The following EXTL3 variants were observed in gnomAD, a reference collection of about 807,000 sequenced individuals.
The protein encoded by EXTL3 is exostosin like glycosyltransferase 3.
A neutral mutation model predicts 69.3 loss-of-function variants in EXTL3; 27 were observed. The ratio of observed to expected loss-of-function variants is 0.39; its 90% CI spans 0.29 to 0.54. The LOEUF (loss-of-function observed/expected upper bound fraction) is 0.54. Ranked by LOEUF, EXTL3 falls within the 20% of genes least tolerant of loss-of-function variation. EXTL3 has a pLI of 0.69. For missense variants in EXTL3, 1,003 were observed against 1,231.8 expected, an observed-to-expected ratio of 0.81 and a Z score of 2.78; for synonymous variants, 511 against 499.4, an observed-to-expected ratio of 1.02 and a Z score of -0.31.
chr8:28,668,372 C>G (rs1317279302), intron 1 of EXTL3, among the ~76,000 whole-genome samples: 1 of 131,174 alleles, frequency 7.6e-6, no homozygotes, highest in Non-Finnish European at 1.5e-5. Context: ...CACTCTGTCA[C>G]CCAGGCTGGA....
chr8:28,684,458 G>A (rs904817497), intron 1 of EXTL3, among the ~76,000 whole-genome samples: 5 of 152,022 alleles, frequency 3.3e-5, no homozygotes, highest in African/African-American at 1.2e-4. Context: ...TATTTTCAGT[G>A]GGCACGATGC....
Position 28,672,830 on chromosome 8 carries a change from A to G in EXTL3, c.-52-40627A>G, listed in dbSNP as rs914173634. Among the ~76,000 whole-genome samples, 3 of 152,238 alleles carry G rather than the reference A, an allele frequency of 2.0e-5. No individual in the cohort carries two copies. The East Asian group carries it at 5.8e-4, about 29-fold the overall frequency. On this transcript the variant is annotated intron_variant, in intron 1 of 6. Coordinates refer to the EXTL3 transcript ENST00000523149. ...TTGGCTGTGTCCCCATCCAAATCTC[A>G]TCTTGAATTGTGGCTTCCACAATTC... is the stretch of plus-strand genomic sequence containing the variant.
chr8:28,659,675 G>A (rs1470118267), intron 1 of EXTL3, among the ~76,000 whole-genome samples: 4 of 152,122 alleles, frequency 2.6e-5, no homozygotes, highest in Admixed American at 2.6e-4. Context: ...AATTGCTGCC[G>A]GTCCTGTCAC....
chr8:28,745,357 T>C (rs1219690595), intron 6 of EXTL3, among the ~76,000 whole-genome samples: 1 of 152,258 alleles, frequency 6.6e-6, no homozygotes, highest in Non-Finnish European at 1.5e-5. Flanking sequence ...CCGAGACTTC[T>C]GCTAAAGCCT....
chr8:28,696,246 AAAG>A (rs1403413999), intron 1 of EXTL3: 2 of 152,196 alleles, frequency 1.3e-5, no homozygotes, highest in African/African-American at 4.8e-5. Context: ...TACATATAGA[AAAG>A]AAGATGTATG....
chr8:28,625,224 A>G (rs1472051441), intron 1 of EXTL3, among the ~76,000 whole-genome samples: 1 of 152,248 alleles, frequency 6.6e-6, no homozygotes, highest in Non-Finnish European at 1.5e-5. Context: ...AACACTGCAC[A>G]TAGGATCTAT....
rs1166236661 is a variant in EXTL3, at chr8:28,731,280, G to T, written c.2206G>T (p.Glu736Ter). 3.1e-6 allele frequency: 5 copies of T among 1,614,204 alleles called. No homozygotes were observed. The highest frequency in any genetic ancestry group is 4.2e-6 in the Non-Finnish European group (5 of 1,180,018). The part of the protein sequence containing the change: ...NNRFLPWNEI[E>*]TEAILSIDDD... ...CCGATTCTTACCCTGGAATGAAATT[G>T]AGACAGAGGCCATCCTGTCCATTGA... Residue 736 changes from glutamate (E) to a stop codon, truncating the protein, a stop_gained, in exon 4 of 7, where the codon GAG (glutamate) becomes TAG (stop). Transcript: ENST00000220562. LOFTEE classifies it high-confidence loss of function.
chr8:28,727,332 CTTGTTGCTTCTT>C (rs1290038410), intron 3 of EXTL3, among the ~76,000 whole-genome samples: 2 of 152,136 alleles, frequency 1.3e-5, no homozygotes, highest in Non-Finnish European at 2.9e-5. Context: ...TAGTTGTTCT[CTTGTTGCTTCTT>C]GATATCTAAG....
intron 1 of EXTL3, among the ~76,000 whole-genome samples, chr8:28,669,923 T>C (rs1329404499): frequency 1.3e-5 from 2 of 152,040 alleles, no homozygotes; most frequent in Non-Finnish European, 2.9e-5. Context: ...TAAAGGGACT[T>C]TGAGGCCGGG....
upstream of EXTL3, chr8:28,699,573 A>T (rs1285366754): frequency 6.6e-6 from 1 of 152,418 alleles, no homozygotes; most frequent in Non-Finnish European, 1.5e-5. Context: ...CAGTGGTGCG[A>T]TCTCGGCTCC....
chr8:28,726,201 G>A (rs372641641), intron 3 of EXTL3, among the ~76,000 whole-genome samples: 22 of 152,208 alleles, frequency 1.4e-4, no homozygotes, highest in African/African-American at 4.8e-4. Context: ...TGATCCGCCC[G>A]CCTCGGCCTC....
chr8:28,715,122 G>A (rs1801113083), intron 2 of EXTL3, among the ~76,000 whole-genome samples: 1 of 152,192 alleles, frequency 6.6e-6, no homozygotes, highest in Non-Finnish European at 1.5e-5. Flanking sequence ...AACAAATTGA[G>A]CTTTTCAGAG....
intron 1 of EXTL3, among the ~76,000 whole-genome samples, chr8:28,646,295 C>G (rs1035158734): frequency 6.6e-6 from 1 of 152,166 alleles, no homozygotes; most frequent in African/African-American, 2.4e-5. Flanking sequence ...TGAAAAGGAA[C>G]ACATTTCTTT....
chr8:28,682,877 A>G (rs1030496907), intron 1 of EXTL3, among the ~76,000 whole-genome samples: 1 of 152,172 alleles, frequency 6.6e-6, no homozygotes, highest in African/African-American at 2.4e-5. Flanking sequence ...TTCTTCTAGT[A>G]GTTTTACAGC....
At chr8:28,714,497 T>C (rs1801099505) in intron 2 of EXTL3, among the ~76,000 whole-genome samples, 1 of 152,202 alleles carries the variant, frequency 6.6e-6, no homozygotes, top group Non-Finnish European at 1.5e-5. Flanking sequence ...TTTGTTTATA[T>C]CTTATCTCTT....
chr8:28,747,907 T>A (rs1050766904), intron 6 of EXTL3, among the ~76,000 whole-genome samples: 6 of 152,112 alleles, frequency 3.9e-5, no homozygotes, highest in Non-Finnish European at 8.8e-5. Flanking sequence ...TTTTTTGTAT[T>A]TTTAGTAGAA....
At chr8:28,683,072 A>G (rs1166216683) in intron 1 of EXTL3, among the ~76,000 whole-genome samples, 1 of 152,120 alleles carries the variant, frequency 6.6e-6, no homozygotes, top group Admixed American at 6.5e-5. Context: ...TTGACTATAA[A>G]TGTGTGGATT....
intron 1 of EXTL3, among the ~76,000 whole-genome samples, chr8:28,679,444 C>CA (rs933565928): frequency 1.7e-4 from 25 of 151,382 alleles, no homozygotes; most frequent in Admixed American, 3.3e-4. Flanking sequence ...GATGCTGTCT[C>CA]AAAAAAAAGA....
intron 5 of EXTL3, among the ~76,000 whole-genome samples, chr8:28,738,123 C>T (rs1172240607): frequency 6.6e-6 from 1 of 152,206 alleles, no homozygotes; most frequent in Non-Finnish European, 1.5e-5. Flanking sequence ...GTGCTTATTA[C>T]TTTCACTGTG....
Sources: gnomAD v4.1 joint callset for allele counts (sites outside exome capture counted in the v4.1 genomes callset) on GRCh38, gnomAD v4.1.1 for gene constraint, MANE v1.5 for transcripts, NCBI Gene and HGNC (gene_info 2026-07-23, HGNC 2026-07-21) for gene names.